ATP2B2: variants seen among roughly 807,000 people sequenced by gnomAD.
ATP2B2 encodes the protein ATPase plasma membrane Ca2+ transporting 2, also known as plasma membrane calcium-transporting ATPase 2.
ATP2B2 carries 15 observed loss-of-function variants against 120.0 expected under a neutral mutation model. The observed-to-expected ratio is 0.12, with a 90% CI of 0.08 to 0.19. The LOEUF (loss-of-function observed/expected upper bound fraction) is 0.19, where lower values mean the gene tolerates loss of function less well. Among genes scored for constraint, ATP2B2 ranks in the 10% least tolerant of loss-of-function variants. ATP2B2 has a pLI of 1.00. For missense variants in ATP2B2, 1,045 were observed against 1,719.8 expected (o/e 0.61, Z 6.94); for synonymous variants, 694 against 700.3 (o/e 0.99, Z 0.14).
At chr3:10,455,009 A>C (rs11927047) in intron 1 of ATP2B2, among the ~76,000 whole-genome samples, 2,166 of 152,234 alleles carry the variant, frequency 0.014, 50 homozygotes, top group African/African-American at 0.049. Context: ...TGAGAGCATC[A>C]TGTGGGCAGT....
intron 1 of ATP2B2, among the ~76,000 whole-genome samples, chr3:10,471,323 T>TC: frequency 6.6e-6 from 1 of 151,638 alleles, no homozygotes; most frequent in East Asian, 1.9e-4. Flanking sequence ...GCCACGGGAG[T>TC]CTACAGCTTG....
intron 2 of ATP2B2, among the ~76,000 whole-genome samples, chr3:10,580,088 A>G (rs1003886035): frequency 2.0e-5 from 3 of 152,136 alleles, no homozygotes; most frequent in South Asian, 2.1e-4. Flanking sequence ...GTCATCCTAC[A>G]TCAACAGGGG....
intron 12 of ATP2B2, among the ~76,000 whole-genome samples, chr3:10,365,125 T>C (rs1167898021): frequency 6.6e-6 from 1 of 152,220 alleles, no homozygotes; most frequent in Admixed American, 6.5e-5. Context: ...TCTACTTGGC[T>C]AGGAGCCGAA....
In ATP2B2 at chr3:10,338,705, G is replaced by A. The variant is rs75997924; in HGVS notation, c.3238-347C>T. 455 of 346,944 alleles carry A rather than the reference G, an allele frequency of 1.3e-3. 14 individuals are homozygous for A. The East Asian group carries it at 0.033, about 25-fold the overall frequency. The allele number at this position is 346,944 out of a possible 1,614,324, so 21.5% of individuals were successfully genotyped here. On this transcript the variant is annotated intron_variant, in intron 21 of 22. Transcript: ENST00000360273. ...CAGACAACCCTGGTCCTGTGGCCTCGGGCAAGTCATTTAACCTCACCGAGC... is the reference window on the plus strand; with the variant it reads ...CAGACAACCCTGGTCCTGTGGCCTCAGGCAAGTCATTTAACCTCACCGAGC...
intron 1 of ATP2B2, among the ~76,000 whole-genome samples, chr3:10,469,381 A>G (rs1025688043): frequency 2.0e-5 from 3 of 152,290 alleles, no homozygotes; most frequent in Non-Finnish European, 4.4e-5. Context: ...CTCAGAACAC[A>G]GCGGAGCTGG....
chr3:10,624,500 CA>C (rs1559492606), intron 1 of ATP2B2, among the ~76,000 whole-genome samples: 4 of 152,150 alleles, frequency 2.6e-5, no homozygotes, highest in Non-Finnish European at 5.9e-5. Context: ...TGGTGTGTCC[CA>C]GGGGTTGACA....
chr3:10,393,359 T>C (rs1242768079), intron 5 of ATP2B2, among the ~76,000 whole-genome samples: 1 of 152,008 alleles, frequency 6.6e-6, no homozygotes, highest in Non-Finnish European at 1.5e-5. Context: ...GAGAGTATTT[T>C]TGGGTGGAGG....
chr3:10,480,852 G>A (rs1054133882), intron 1 of ATP2B2, among the ~76,000 whole-genome samples: 3 of 152,204 alleles, frequency 2.0e-5, no homozygotes, highest in Admixed American at 1.3e-4. Flanking sequence ...TCATTGTCCT[G>A]CTTAAAACCT....
chr3:10,654,139 A>T (rs1559506067), intron 1 of ATP2B2, among the ~76,000 whole-genome samples: 1 of 152,178 alleles, frequency 6.6e-6, no homozygotes, highest in Admixed American at 6.5e-5. Flanking sequence ...TTTAAAGATG[A>T]GAAAAGTGGA....
At chr3:10,401,206 G>A (rs2062208002) in intron 4 of ATP2B2, 128 bp from the exon 5 acceptor site, 2 of 1,268,284 alleles carry the variant, frequency 1.6e-6, no homozygotes, top group Admixed American at 4.1e-5. Context: ...CTCCCAGGGT[G>A]TAGGAACCAA....
At chr3:10,595,653 CG>C (rs5846673) in intron 2 of ATP2B2, among the ~76,000 whole-genome samples, 152,341 of 152,342 alleles carry the variant, frequency 1, 76,170 homozygotes, top group Non-Finnish European at 1. Context: ...GACCACATTG[CG>C]CTTCCATTAA....
At chr3:10,368,583 C>T (rs2061133854) in intron 12 of ATP2B2, among the ~76,000 whole-genome samples, 1 of 151,872 alleles carries the variant, frequency 6.6e-6, no homozygotes, top group South Asian at 2.1e-4. Flanking sequence ...CATGCATCCA[C>T]TCATCCATCC....
At chr3:10,506,048 C>T (rs535028453), upstream of ATP2B2, among the ~76,000 whole-genome samples, 250 of 152,128 alleles carry the variant, frequency 1.6e-3, no homozygotes, top group Non-Finnish European at 2.8e-3. Flanking sequence ...TCGTCCCTTG[C>T]TTTCTGGGGG....
chr3:10,398,080 G>A (rs1352355790), intron 5 of ATP2B2, among the ~76,000 whole-genome samples: 5 of 152,172 alleles, frequency 3.3e-5, no homozygotes, highest in Non-Finnish European at 7.3e-5. Flanking sequence ...TGTGTCCTGT[G>A]ATCATCTTTC....
chr3:10,666,224 G>A (rs2070928355), intron 1 of ATP2B2, among the ~76,000 whole-genome samples: 1 of 152,142 alleles, frequency 6.6e-6, no homozygotes, highest in African/African-American at 2.4e-5. Context: ...ACAGCTCCCT[G>A]CTACTACGCT....
intron 1 of ATP2B2, among the ~76,000 whole-genome samples, chr3:10,648,546 G>A (rs896441993): frequency 6.6e-6 from 1 of 152,128 alleles, no homozygotes; most frequent in Non-Finnish European, 1.5e-5. Flanking sequence ...CAGAGCCCCA[G>A]TTTCTTAATT....
intron 1 of ATP2B2, among the ~76,000 whole-genome samples, chr3:10,655,568 T>C (rs895939782): frequency 6.6e-6 from 1 of 152,162 alleles, no homozygotes; most frequent in African/African-American, 2.4e-5. Flanking sequence ...TTAGTAGAAA[T>C]GCCAGGTCCC....
intron 1 of ATP2B2, among the ~76,000 whole-genome samples, chr3:10,493,708 G>A (rs149143077): frequency 6.6e-6 from 1 of 152,312 alleles, no homozygotes; most frequent in Non-Finnish European, 1.5e-5. Flanking sequence ...GCACTCAACA[G>A]TGTTCTAATG....
At chr3:10,601,989 G>A (rs1040980299) in intron 2 of ATP2B2, among the ~76,000 whole-genome samples, 1 of 152,198 alleles carries the variant, frequency 6.6e-6, no homozygotes, top group African/African-American at 2.4e-5. Context: ...AACCCTGAAC[G>A]TGACCCTGGA....
Sources: gnomAD v4.1 joint callset for allele counts (sites outside exome capture counted in the v4.1 genomes callset) on GRCh38, gnomAD v4.1.1 for gene constraint, MANE v1.5 for transcripts, NCBI Gene and HGNC (gene_info 2026-07-23, HGNC 2026-07-21) for gene names.